The following TMEM108 variants were observed in gnomAD, a reference collection of about 807,000 sequenced individuals.
The protein encoded by TMEM108 is cancer/testis antigen 124.
TMEM108 carries 12 observed loss-of-function variants against 35.1 expected under a neutral mutation model. The observed-to-expected ratio is 0.34, with a 90% confidence interval of 0.22 to 0.55. The LOEUF (loss-of-function observed/expected upper bound fraction) is 0.55. TMEM108 is among the 20% of genes least tolerant of loss of function. The pLI, the probability that TMEM108 is intolerant of heterozygous loss-of-function variation, is 0.89. For missense variants in TMEM108, 680 were observed against 753.3 expected, an observed-to-expected ratio of 0.90 and a Z score of 1.14; for synonymous variants, 287 against 308.6, an observed-to-expected ratio of 0.93 and a Z score of 0.73.
chr3:133,133,695 C>CTT (rs543867505), intron 2 of TMEM108, among the ~76,000 whole-genome samples: 1 of 135,544 alleles, frequency 7.4e-6, no homozygotes, highest in Non-Finnish European at 1.6e-5. Context: ...TTTTTTCTTT[C>CTT]TTTTTTTTTT....
chr3:133,072,239 A>G (rs1191722795), intron 2 of TMEM108, among the ~76,000 whole-genome samples: 1 of 152,174 alleles, frequency 6.6e-6, no homozygotes, highest in Non-Finnish European at 1.5e-5. Context: ...TATTCACACA[A>G]CAGTGAGGTC....
intron 3 of TMEM108, among the ~76,000 whole-genome samples, chr3:133,360,501 C>G (rs1354749504): frequency 6.6e-6 from 1 of 152,202 alleles, no homozygotes; most frequent in Admixed American, 6.5e-5. Flanking sequence ...CATCCATTCT[C>G]TGGAACTCCC....
intron 2 of TMEM108, among the ~76,000 whole-genome samples, chr3:133,148,121 T>A (rs1396696909): frequency 6.6e-6 from 1 of 152,196 alleles, no homozygotes; most frequent in East Asian, 1.9e-4. Flanking sequence ...TGAAGAGCAA[T>A]GAACATTCCT....
chr3:133,380,576 T>A lies in TMEM108; in HGVS notation c.865T>A (p.Ser289Thr). The A allele has an allele frequency of 6.2e-7, 1 of 1,613,268 alleles. No individual in the cohort carries two copies. Among genetic ancestry groups the A allele is most frequent in the Admixed American group, 1.7e-5 (1 of 59,984 alleles). ...TCGCAGAGCAGCCCAGGGGGGTGGT[T>A]CTACCTTCACCAGCCAAGGAGGGAC... ...GLRRAAQGGGSTFTSQGGTPD... is the reference protein window; with the variant it reads ...GLRRAAQGGGTTFTSQGGTPD... The change falls in exon 4 of 6, where the codon TCT (serine) becomes ACT (threonine). Residue 289 changes from serine (S) to threonine (T), a missense_variant. Ser to Thr is a moderately conservative substitution (Grantham distance 58, BLOSUM62 1). Around this residue, in one of 3 missense-constraint regions of TMEM108, gnomAD observed 526 missense variants for 532.1 expected, o/e 0.99. Transcript: ENST00000321871. This position sits in a 1 kb window ranked among gnomAD's most constrained non-coding sequence, Gnocchi z 5.3.
At chr3:133,144,776 G>A (rs187086482) in intron 2 of TMEM108, among the ~76,000 whole-genome samples, 1 of 152,284 alleles carries the variant, frequency 6.6e-6, no homozygotes, top group Non-Finnish European at 1.5e-5. Context: ...TTTTAGAAGT[G>A]TCTGTTCATG....
At chr3:133,142,196 G>A (rs1057470560) in intron 2 of TMEM108, among the ~76,000 whole-genome samples, 1 of 152,118 alleles carries the variant, frequency 6.6e-6, no homozygotes, top group African/African-American at 2.4e-5. Context: ...TGTCCTTAAG[G>A]AATTCACAAA....
At chr3:133,067,701 C>T (rs968563250) in intron 2 of TMEM108, among the ~76,000 whole-genome samples, 14 of 152,016 alleles carry the variant, frequency 9.2e-5, no homozygotes, top group African/African-American at 2.9e-4. Flanking sequence ...TGGTGAGGGC[C>T]AATAGGACTG....
intron 3 of TMEM108, among the ~76,000 whole-genome samples, chr3:133,371,778 A>T (rs2072684539): frequency 6.6e-6 from 1 of 152,146 alleles, no homozygotes; most frequent in Admixed American, 6.5e-5. Context: ...GATGGCTAGT[A>T]AGTGATTTAG....
chr3:133,237,030 T>C (rs1170177456), intron 3 of TMEM108, among the ~76,000 whole-genome samples: 1 of 152,102 alleles, frequency 6.6e-6, no homozygotes, highest in Non-Finnish European at 1.5e-5. Flanking sequence ...AGTGATTTGG[T>C]ATTGTTTTAA....
chr3:133,148,922 G>A (rs571908231), intron 2 of TMEM108, among the ~76,000 whole-genome samples: 10 of 152,268 alleles, frequency 6.6e-5, no homozygotes, highest in African/African-American at 1.9e-4. Flanking sequence ...ACTTGACCCT[G>A]GGAGGCTGAG....
intron 4 of TMEM108, among the ~76,000 whole-genome samples, chr3:133,384,344 C>T (rs77286797): frequency 0.026 from 3,939 of 152,224 alleles, 152 homozygotes; most frequent in African/African-American, 0.09. Flanking sequence ...TTCAGATGGG[C>T]GGGGTGCTGG....
chr3:133,194,242 A>C (rs1356269244), intron 2 of TMEM108, among the ~76,000 whole-genome samples: 1 of 152,118 alleles, frequency 6.6e-6, no homozygotes, highest in Non-Finnish European at 1.5e-5. Flanking sequence ...GCTGAACATT[A>C]ATTCCTAAAT....
At chr3:133,391,127 C>T (rs904213453) in intron 5 of TMEM108, among the ~76,000 whole-genome samples, 1 of 152,172 alleles carries the variant, frequency 6.6e-6, no homozygotes, top group Non-Finnish European at 1.5e-5. Flanking sequence ...AGCAGAGAGT[C>T]ACTGAAAGTT....
At chr3:133,179,408 A>C (rs1242113921) in intron 2 of TMEM108, among the ~76,000 whole-genome samples, 1 of 152,180 alleles carries the variant, frequency 6.6e-6, no homozygotes, top group Non-Finnish European at 1.5e-5. Context: ...AACCAACCCA[A>C]ATGCCCAACA....
intron 2 of TMEM108, among the ~76,000 whole-genome samples, chr3:133,055,606 C>G (rs1004999269): frequency 3.9e-5 from 6 of 152,198 alleles, no homozygotes; most frequent in Admixed American, 3.3e-4. Context: ...AAACCCCCAG[C>G]CCTGAACTGC....
intron 2 of TMEM108, among the ~76,000 whole-genome samples, chr3:133,199,516 T>C (rs904528856): frequency 4.6e-5 from 7 of 152,228 alleles, no homozygotes; most frequent in Admixed American, 2.6e-4. Context: ...GTCAGGACCC[T>C]CAGCTGCAGG....
intron 2 of TMEM108, among the ~76,000 whole-genome samples, chr3:133,227,415 G>T (rs1309096384): frequency 1.4e-5 from 2 of 147,700 alleles, no homozygotes; most frequent in African/African-American, 4.9e-5. Context: ...GGATGGTCTC[G>T]ATCTCCTGAC....
intron 1 of TMEM108, among the ~76,000 whole-genome samples, chr3:133,039,218 C>G (rs1256010461): frequency 6.6e-6 from 1 of 152,230 alleles, no homozygotes; most frequent in Non-Finnish European, 1.5e-5. Flanking sequence ...CTGCAGTGAA[C>G]TGCAGACCAC....
At chr3:133,327,771 G>T (rs1245531342) in intron 3 of TMEM108, among the ~76,000 whole-genome samples, 1 of 152,010 alleles carries the variant, frequency 6.6e-6, no homozygotes, top group Non-Finnish European at 1.5e-5. Flanking sequence ...TGGGCGGCAG[G>T]GTCAAAGGAT....
Sources: gnomAD v4.1 joint callset for allele counts (sites outside exome capture counted in the v4.1 genomes callset) on GRCh38, gnomAD v4.1.1 for gene constraint, gnomAD v4.1.1 regional missense constraint, Gnocchi (gnomAD v3.1) non-coding constraint, MANE v1.5 for transcripts, NCBI Gene and HGNC (gene_info 2026-07-23, HGNC 2026-07-21) for gene names.